The following CNTNAP2 variants were observed in gnomAD, a reference collection of about 807,000 sequenced individuals.
CNTNAP2 encodes contactin-associated protein-like 2.
Under a neutral mutation model 155.2 loss-of-function variants are expected in CNTNAP2, and 98 were observed. That is an observed-to-expected ratio of 0.63 (90% CI 0.54 to 0.75). The LOEUF (loss-of-function observed/expected upper bound fraction) is 0.75. Ranked by LOEUF, CNTNAP2 falls within the 30% of genes least tolerant of loss-of-function variation. The pLI is 0.00. For missense variants in CNTNAP2, 1,727 were observed against 1,688.1 expected, an observed-to-expected ratio of 1.02 and a Z score of -0.40; for synonymous variants, 651 against 631.2, an observed-to-expected ratio of 1.03 and a Z score of -0.47.
intron 12 of CNTNAP2, among the ~76,000 whole-genome samples, chr7:147,609,314 G>A (rs138869455): frequency 3.2e-4 from 48 of 152,258 alleles, no homozygotes; most frequent in Admixed American, 1.2e-3. Context: ...GGCGGACCAC[G>A]AGGTCAGGAG....
At chr7:147,021,300 G>C (rs1584787614) in intron 3 of CNTNAP2, among the ~76,000 whole-genome samples, 1 of 152,094 alleles carries the variant, frequency 6.6e-6, no homozygotes, top group East Asian at 1.9e-4. Context: ...CAAAAGATTG[G>C]ATGCCTCTAT....
intron 1 of CNTNAP2, among the ~76,000 whole-genome samples, chr7:146,151,635 G>GATATATATATATAC (rs1562968838): frequency 1.9e-4 from 7 of 36,406 alleles, no homozygotes; most frequent in Non-Finnish European, 3.8e-4. Context: ...AAGAAAACGT[G>GATATATATATATAC]ATATATATAT....
intron 20 of CNTNAP2, among the ~76,000 whole-genome samples, chr7:148,244,901 G>A (rs181504751): frequency 1.7e-4 from 26 of 151,738 alleles, no homozygotes; most frequent in African/African-American, 6.3e-4. Context: ...ATTTTAATAG[G>A]ACATTATAAG....
intron 13 of CNTNAP2, among the ~76,000 whole-genome samples, chr7:147,675,256 C>T (rs1189756497): frequency 6.6e-6 from 1 of 152,052 alleles, no homozygotes. Flanking sequence ...ATAAGAACAC[C>T]AGTCACTTGA....
chr7:146,302,766 A>G (rs1306524494), intron 1 of CNTNAP2, among the ~76,000 whole-genome samples: 3 of 152,122 alleles, frequency 2.0e-5, no homozygotes, highest in South Asian at 4.2e-4. Flanking sequence ...TACCATCACC[A>G]TCATCATCTT....
chr7:147,529,727 C>A (rs1046987143), intron 11 of CNTNAP2, among the ~76,000 whole-genome samples: 2 of 152,108 alleles, frequency 1.3e-5, no homozygotes, highest in African/African-American at 4.8e-5. Context: ...AGAAAATAAA[C>A]CTTTAGTGCA....
intron 13 of CNTNAP2, among the ~76,000 whole-genome samples, chr7:147,786,879 G>T (rs555969434): frequency 6.6e-6 from 1 of 152,202 alleles, no homozygotes; most frequent in East Asian, 1.9e-4. Context: ...TGAGGTGGGA[G>T]GATATGTGGA....
intron 8 of CNTNAP2, among the ~76,000 whole-genome samples, chr7:147,242,123 T>C (rs1387260634): frequency 6.6e-6 from 1 of 152,226 alleles, no homozygotes; most frequent in Admixed American, 6.5e-5. Flanking sequence ...CTCCTTACAA[T>C]GCAATCGACT....
At chr7:147,557,262 T>C (rs1443374998) in intron 11 of CNTNAP2, among the ~76,000 whole-genome samples, 2 of 151,214 alleles carry the variant, frequency 1.3e-5, no homozygotes, top group Admixed American at 6.6e-5. Context: ...AGACTCCATC[T>C]CAAAAGAAAA....
chr7:147,227,329 A>G (rs1803570688), intron 8 of CNTNAP2, among the ~76,000 whole-genome samples: 1 of 147,026 alleles, frequency 6.8e-6, no homozygotes, highest in African/African-American at 2.5e-5. Context: ...TAAGCTACTG[A>G]AAAAAAAAAA....
chr7:147,568,547 T>G (rs1375200005), intron 12 of CNTNAP2, among the ~76,000 whole-genome samples: 5 of 152,188 alleles, frequency 3.3e-5, no homozygotes, highest in African/African-American at 1.2e-4. Context: ...CCTGGTTTCT[T>G]TTTTTAGATC....
At chr7:147,390,714 A>G (rs572218061) in intron 9 of CNTNAP2, among the ~76,000 whole-genome samples, 44 of 152,216 alleles carry the variant, frequency 2.9e-4, no homozygotes, top group African/African-American at 1.1e-3. Context: ...AACCTTGGAA[A>G]TCATATCACC....
intron 3 of CNTNAP2, among the ~76,000 whole-genome samples, chr7:146,919,227 T>G (rs1796451446): frequency 6.6e-6 from 1 of 152,176 alleles, no homozygotes; most frequent in South Asian, 2.1e-4. Context: ...TGCTGGTGAG[T>G]AATGTGATCG....
intron 13 of CNTNAP2, among the ~76,000 whole-genome samples, chr7:147,698,932 A>C (rs997345142): frequency 6.6e-6 from 1 of 152,190 alleles, no homozygotes; most frequent in African/African-American, 2.4e-5. Context: ...GGAAAAAATC[A>C]ACAACAACCT....
At chr7:148,037,219 A>G (rs1171704419) in intron 15 of CNTNAP2, among the ~76,000 whole-genome samples, 3 of 152,220 alleles carry the variant, frequency 2.0e-5, no homozygotes, top group East Asian at 3.8e-4. Flanking sequence ...AGAAAGCAGA[A>G]GTCACTTATA....
At chr7:146,398,184 CTT>C (rs34144986) in intron 1 of CNTNAP2, among the ~76,000 whole-genome samples, 23 of 107,014 alleles carry the variant, frequency 2.1e-4, no homozygotes, top group Admixed American at 1.0e-3. Flanking sequence ...CGGCCCCAAA[CTT>C]TTTTTTTTTT....
chr7:147,785,088 C>G (rs1786517139), intron 13 of CNTNAP2, among the ~76,000 whole-genome samples: 1 of 152,074 alleles, frequency 6.6e-6, no homozygotes, highest in African/African-American at 2.4e-5. Context: ...AGCAAGTAGG[C>G]AATTGTATGC....
At chr7:147,720,227 A>C (rs1796544223) in intron 13 of CNTNAP2, among the ~76,000 whole-genome samples, 1 of 152,172 alleles carries the variant, frequency 6.6e-6, no homozygotes, top group Non-Finnish European at 1.5e-5. Flanking sequence ...GAAAAAGAGC[A>C]TTTATGGTAT....
intron 8 of CNTNAP2, among the ~76,000 whole-genome samples, chr7:147,282,537 G>A (rs1352680690): frequency 1.3e-5 from 2 of 151,696 alleles, no homozygotes; most frequent in Non-Finnish European, 2.9e-5. Context: ...TTTAGTCTAA[G>A]GCATACAGAG....
Sources: allele counts gnomAD v4.1 joint callset (sites outside exome capture counted in the v4.1 genomes callset), GRCh38; gene constraint gnomAD v4.1.1; transcripts MANE v1.5; gene names NCBI Gene and HGNC (gene_info 2026-07-23, HGNC 2026-07-21).